GOLGA4: variants seen among roughly 807,000 people sequenced by gnomAD.
The protein encoded by GOLGA4 is golgin A4.
In GOLGA4, 169 loss-of-function variants were observed where a neutral mutation model predicts 265.9. The ratio of observed to expected loss-of-function variants is 0.64; its 90% CI spans 0.56 to 0.72. The LOEUF is 0.72. GOLGA4 is among the 30% of genes least tolerant of loss of function. The pLI, the probability that GOLGA4 is intolerant of heterozygous loss-of-function variation, is 0.00. For synonymous variants in GOLGA4, 923 were observed against 855.8 expected (o/e 1.08, Z -1.37); for missense variants, 2,482 against 2,483.4 (o/e 1.00, Z 0.01).
intron 16 of GOLGA4, chr3:37,329,326 G>A (rs1401275477): frequency 9.5e-6 from 3 of 316,076 alleles, no homozygotes; most frequent in African/African-American, 6.5e-5. Flanking sequence ...CAGTCCCCTT[G>A]CTAGTATTGA....
rs934787954 is a variant in GOLGA4 at position 37,321,848 on chromosome 3, C to T, written c.1663C>T (p.Leu555Phe). 1 of 1,612,006 alleles carries T rather than the reference C, an allele frequency of 6.2e-7. No individual in the cohort carries two copies. The highest frequency in any genetic ancestry group is 8.5e-7 in the Non-Finnish European group (1 of 1,179,220). ...AATCCTCACAGAAAGTGAAAATAAACTTCGGGACCTTCAGCAAGAAGCAGA... is the reference window on the plus strand; with the variant it reads ...AATCCTCACAGAAAGTGAAAATAAATTTCGGGACCTTCAGCAAGAAGCAGA... The part of the protein sequence containing the change: ...KAILTESENK[L>F]RDLQQEAETY... Residue 555 changes from leucine (L) to phenylalanine (F), a missense_variant, in exon 13 of 24, where the codon CTT becomes TTT. Leu to Phe is a conservative substitution (Grantham distance 22). This residue lies in a region of GOLGA4 where 1,536 missense variants were observed against 1,483.7 expected (regional missense o/e 1.04). Coordinates refer to ENST00000361924, the MANE Select transcript of GOLGA4 (RefSeq NM_002078.5).
intron 9 of GOLGA4, among the ~76,000 whole-genome samples, chr3:37,301,081 G>A (rs1011526131): frequency 7.9e-5 from 12 of 152,196 alleles, no homozygotes; most frequent in Non-Finnish European, 1.8e-4. Flanking sequence ...ATCTGGAAGA[G>A]TCATATTCTA....
chr3:37,305,461 C>G (rs1371945986), intron 10 of GOLGA4, among the ~76,000 whole-genome samples: 2 of 152,096 alleles, frequency 1.3e-5, no homozygotes, highest in Non-Finnish European at 2.9e-5. Context: ...CAGAACTGTT[C>G]AAGTAGGAAG....
At chr3:37,275,767 G>C (rs1323245126) in intron 2 of GOLGA4, 2 of 1,613,364 alleles carry the variant, frequency 1.2e-6, no homozygotes, top group Non-Finnish European at 1.7e-6. Flanking sequence ...CTGGAGCATT[G>C]GATTTGCTAA....
At chr3:37,286,085 A>T in intron 4 of GOLGA4, 24 bp downstream of exon 4, 1 of 1,237,444 alleles carries the variant, frequency 8.1e-7, no homozygotes, top group Non-Finnish European at 1.2e-6. Flanking sequence ...CAACTGCATT[A>T]CTGAGTCATA....
At chr3:37,290,210 G>C (rs1227996079) in intron 5 of GOLGA4, among the ~76,000 whole-genome samples, 2 of 152,066 alleles carry the variant, frequency 1.3e-5, no homozygotes, top group Non-Finnish European at 2.9e-5. Context: ...GTGGGAGGAG[G>C]CAAAGAAGAA....
rs1047381014 is a variant in GOLGA4 at position 37,326,828 on chromosome 3, A to G, written c.4942A>G (p.Ile1648Val). The G allele has an allele frequency of 2.5e-6, 4 of 1,613,730 alleles. No individual in the cohort carries two copies. In the African/African-American group the frequency reaches 4.0e-5, roughly 16 times the overall value. Reference protein sequence around the residue: ...AELKRKAEQKIAAIKKQLLSQ... With the variant: ...AELKRKAEQKVAAIKKQLLSQ... ...GTTGAAGAGAAAAGCTGAACAAAAA[A>G]TTGCTGCCATTAAGAAGCAGTTGTT... The change falls in exon 14 of 24, where the codon ATT (isoleucine) becomes GTT (valine). Residue 1648 changes from isoleucine (I) to valine (V), a missense_variant. Physicochemically the swap from Ile to Val is conservative, Grantham distance 29. This residue lies in a region of GOLGA4 where 942 missense variants were observed against 983.1 expected (regional missense o/e 0.96). Transcript: ENST00000361924.
chr3:37,304,279 G>GGACT (rs1263455446), intron 10 of GOLGA4, among the ~76,000 whole-genome samples: 1 of 152,086 alleles, frequency 6.6e-6, no homozygotes, highest in Non-Finnish European at 1.5e-5. Flanking sequence ...GTTAAGGAGG[G>GGACT]GACTGGGTCT....
chr3:37,347,130 A>G (rs2097059015), intron 20 of GOLGA4, 63 bp from the exon 21 acceptor site: 2 of 914,256 alleles, frequency 2.2e-6, no homozygotes, highest in Middle Eastern at 2.7e-4. Flanking sequence ...ATCTATTTTT[A>G]TAAGTAATAA....
rs757049096 is a variant in GOLGA4, at chr3:37,321,866, G to A, written c.1681G>A (p.Glu561Lys). 6.2e-7 allele frequency: 1 copy of A among 1,608,584 alleles called. No homozygotes were observed. The highest frequency in any genetic ancestry group is 8.5e-7 in the Non-Finnish European group (1 of 1,178,568). Residue 561 changes from glutamate to lysine, a missense_variant, in exon 13 of 24, where the codon GAA becomes AAA. Coordinates refer to ENST00000361924, the MANE Select transcript of GOLGA4 (RefSeq NM_002078.5). ...SENKLRDLQQ[E>K]AETYRTRILE... The stretch of plus-strand genomic sequence containing the variant: ...AAATAAACTTCGGGACCTTCAGCAA[G>A]AAGCAGAGACTTACAGAACTGTAAG...
At position 37,344,787 on chromosome 3, in the gene GOLGA4, A is replaced by G. The variant is rs1039335478; in HGVS notation, c.6473-2406A>G. Among the ~76,000 whole-genome samples the G allele has an allele frequency of 2.0e-5, 3 of 152,236 alleles. No homozygotes were observed. The South Asian group carries it at 6.2e-4, about 32-fold the overall frequency. On this transcript the variant is annotated intron_variant, in intron 20 of 23. Transcript: ENST00000361924. ...GTTAAGTTACTTAATGCATACATAC[A>G]CATTCCTGGGAGGATTTTGATTAGG... is the stretch of plus-strand genomic sequence containing the variant.
Position 37,365,965 on chromosome 3 carries a change from C to A in GOLGA4, c.*34-115C>A, listed in dbSNP as rs1019759690. On this transcript the variant is annotated intron_variant, in intron 23 of 23. Coordinates refer to ENST00000361924, the MANE Select transcript of GOLGA4 (RefSeq NM_002078.5). ...TGCCTCTTTACTGCAGTCTCTAGACCATGGAATAGAATTTTATTTCAAACT... is the reference window on the plus strand; with the variant it reads ...TGCCTCTTTACTGCAGTCTCTAGACAATGGAATAGAATTTTATTTCAAACT... 5 of 853,458 alleles carry A rather than the reference C, an allele frequency of 5.9e-6. No homozygotes were observed. The Admixed American group carries it at 7.0e-5, about 12-fold the overall frequency. The allele number at this position is 853,458 out of a possible 1,614,324, so 52.9% of individuals were successfully genotyped here.
intron 3 of GOLGA4, among the ~76,000 whole-genome samples, 153 bp downstream of exon 3, chr3:37,282,425 G>T (rs2096837324): frequency 1.3e-5 from 2 of 151,822 alleles, no homozygotes; most frequent in South Asian, 4.1e-4. Flanking sequence ...GCATTATCTA[G>T]TTAAAGACTC....
chr3:37,327,618 A>G lies in GOLGA4; in HGVS notation c.5732A>G (p.His1911Arg), dbSNP rs779135798. 4 of 1,613,856 alleles carry G rather than the reference A, an allele frequency of 2.5e-6. No individual in the cohort carries two copies. In the South Asian group the frequency reaches 4.4e-5, roughly 18 times the overall value. Residue 1911 changes from histidine (H) to arginine (R), a missense_variant, in exon 14 of 24, where the codon CAT becomes CGT. His to Arg is a conservative substitution (Grantham distance 29, BLOSUM62 0). This residue lies in a region of GOLGA4 where 942 missense variants were observed against 983.1 expected (regional missense o/e 0.96). Transcript: ENST00000361924. ...EENTEEKSKS[H>R]LVQPKLLSNM... The stretch of plus-strand genomic sequence containing the variant: ...AACACTGAAGAAAAGTCCAAATCAC[A>G]TTTGGTCCAACCCAAATTGCTTAGT...
chr3:37,274,825 T>C (rs1443851775), intron 2 of GOLGA4, among the ~76,000 whole-genome samples: 1 of 152,196 alleles, frequency 6.6e-6, no homozygotes, highest in Non-Finnish European at 1.5e-5. Flanking sequence ...TTTCTAATTC[T>C]GTGAACCCAG....
At chr3:37,291,368 T>A (rs997237992) in intron 5 of GOLGA4, among the ~76,000 whole-genome samples, 5 of 152,332 alleles carry the variant, frequency 3.3e-5, no homozygotes, top group African/African-American at 1.2e-4. Context: ...GAAACACATC[T>A]ACTTTACTCA....
intron 10 of GOLGA4, among the ~76,000 whole-genome samples, chr3:37,312,860 A>G (rs1181017634): frequency 1.3e-5 from 2 of 152,160 alleles, no homozygotes; most frequent in Non-Finnish European, 2.9e-5. Flanking sequence ...TCAGCTAATT[A>G]ATATTCCTTT....
Position 37,366,256 on chromosome 3 carries a change from T to G in GOLGA4, c.*210T>G, listed in dbSNP as rs1696738409. The G allele has an allele frequency of 6.1e-6, 3 of 492,922 alleles. No homozygotes were observed. The highest frequency in any genetic ancestry group is 3.6e-5 in the Admixed American group (1 of 27,874). 30.5% of individuals were successfully genotyped at this position (492,922 alleles called of 1,614,324 possible). A position where few individuals can be genotyped will look rare whatever the true frequency, so the allele number is the denominator to read the frequency against. ...TTGCAGACTGCCTTTAAAATAGATTTTATCAGTGGAGAAATGGTGATAGTT... is the reference window on the plus strand; with the variant it reads ...TTGCAGACTGCCTTTAAAATAGATTGTATCAGTGGAGAAATGGTGATAGTT... On this transcript the variant is annotated 3_prime_UTR_variant, in exon 24 of 24. Transcript: ENST00000361924.
intron 18 of GOLGA4, 103 bp downstream of exon 18, chr3:37,337,266 C>G: frequency 1.5e-6 from 1 of 668,268 alleles, no homozygotes; most frequent in East Asian, 2.7e-5. Context: ...GTGATGCAAT[C>G]TTGGCTCACT....
Sources: allele counts gnomAD v4.1 joint callset (sites outside exome capture counted in the v4.1 genomes callset), GRCh38; gene constraint gnomAD v4.1.1; regional missense constraint gnomAD v4.1.1; transcripts MANE v1.5; gene names NCBI Gene and HGNC (gene_info 2026-07-23, HGNC 2026-07-21).